The following ANKRD17 variants were observed in gnomAD, a reference collection of about 807,000 sequenced individuals.
ANKRD17 encodes the protein ankyrin repeat domain 17, also known as ankyrin repeat domain-containing protein 17.
A neutral mutation model predicts 229.7 loss-of-function variants in ANKRD17; 19 were observed. The observed-to-expected ratio is 0.08, with a 90% CI of 0.06 to 0.12. ANKRD17 has a LOEUF of 0.12. Ranked by LOEUF, ANKRD17 falls within the 10% of genes least tolerant of loss-of-function variation. ANKRD17 has a pLI of 1.00. For synonymous variants in ANKRD17, 1,112 were observed against 1,146.1 expected (o/e 0.97, Z 0.60); for missense variants, 2,176 against 3,176.8 (o/e 0.68, Z 7.57).
chr4:73,101,087 A>G, intron 25 of ANKRD17: 1 of 851,294 alleles, frequency 1.2e-6, no homozygotes, highest in South Asian at 5.4e-5. Context: ...GAGAATGTGC[A>G]TAATTTTTAT....
intron 18 of ANKRD17, among the ~76,000 whole-genome samples, chr4:73,124,002 T>C (rs1290611438): frequency 6.6e-6 from 1 of 151,274 alleles, no homozygotes; most frequent in African/African-American, 2.4e-5. Flanking sequence ...AAAGAATAGG[T>C]GACTTCAGGA....
At chr4:73,221,639 T>C (rs1741867251) in intron 1 of ANKRD17, among the ~76,000 whole-genome samples, 1 of 152,208 alleles carries the variant, frequency 6.6e-6, no homozygotes, top group Admixed American at 6.5e-5. Context: ...ACTCCTTTGA[T>C]GAAAGTTTAT....
chr4:73,082,041 T>C (rs1721621562), intron 30 of ANKRD17, among the ~76,000 whole-genome samples: 1 of 151,968 alleles, frequency 6.6e-6, no homozygotes, highest in Non-Finnish European at 1.5e-5. Flanking sequence ...TCCCAGCTAC[T>C]TGAGAAGCTG....
chr4:73,116,563 T>G (rs1383590010), intron 22 of ANKRD17, among the ~76,000 whole-genome samples: 1 of 152,148 alleles, frequency 6.6e-6, no homozygotes, highest in Non-Finnish European at 1.5e-5. Context: ...TGTTAATCTT[T>G]AGTATATTTT....
At chr4:73,233,749 A>T (rs1307032742) in intron 1 of ANKRD17, among the ~76,000 whole-genome samples, 1 of 152,170 alleles carries the variant, frequency 6.6e-6, no homozygotes, top group Admixed American at 6.5e-5. Context: ...CACATGATAA[A>T]ATAGAGGGGC....
chr4:73,185,125 A>G (rs1054365973), intron 1 of ANKRD17, among the ~76,000 whole-genome samples: 1 of 152,058 alleles, frequency 6.6e-6, no homozygotes, highest in African/African-American at 2.4e-5. Flanking sequence ...CGCAAAATTT[A>G]GACTTCTTTA....
At chr4:73,240,562 C>T (rs914747429) in intron 1 of ANKRD17, among the ~76,000 whole-genome samples, 3 of 151,844 alleles carry the variant, frequency 2.0e-5, no homozygotes, top group African/African-American at 7.3e-5. Context: ...GATTTCGAGG[C>T]GGCAGTGAGC....
chr4:73,197,904 AT>A (rs1270134275), intron 1 of ANKRD17, among the ~76,000 whole-genome samples: 9 of 152,170 alleles, frequency 5.9e-5, no homozygotes, highest in African/African-American at 2.2e-4. Flanking sequence ...TATTAAATAT[AT>A]GTTTTTGGCT....
intron 29 of ANKRD17, among the ~76,000 whole-genome samples, chr4:73,085,902 G>T (rs915925738): frequency 6.6e-6 from 1 of 151,946 alleles, no homozygotes; most frequent in Non-Finnish European, 1.5e-5. Context: ...GAGGTGGGAG[G>T]ATTGCTTGAG....
chr4:73,239,103 C>A (rs1343649420), intron 1 of ANKRD17, among the ~76,000 whole-genome samples: 2 of 152,118 alleles, frequency 1.3e-5, no homozygotes, highest in South Asian at 4.1e-4. Flanking sequence ...GATATATGAT[C>A]TGGCCCTTTT....
At chr4:73,155,968 A>C in intron 4 of ANKRD17, 51 bp downstream of exon 4, 1 of 1,530,502 alleles carries the variant, frequency 6.5e-7, no homozygotes, top group Non-Finnish European at 8.7e-7. Context: ...CTTAGTAAGC[A>C]AGCCAGTTTT....
chr4:73,098,727 T>TA, intron 25 of ANKRD17: 19 of 927,144 alleles, frequency 2.0e-5, no homozygotes, highest in Non-Finnish European at 3.1e-5. Context: ...CAGGTAGTTA[T>TA]AAAAAATATT....
chr4:73,145,116 C>T (rs1730088449), intron 10 of ANKRD17, among the ~76,000 whole-genome samples: 2 of 152,024 alleles, frequency 1.3e-5, no homozygotes, highest in Non-Finnish European at 2.9e-5. Flanking sequence ...CTCATCTAAA[C>T]GCATCTGAGT....
intron 1 of ANKRD17, among the ~76,000 whole-genome samples, chr4:73,232,571 T>C (rs1322204222): frequency 1.3e-5 from 2 of 152,194 alleles, no homozygotes; most frequent in Non-Finnish European, 2.9e-5. Context: ...CACATTTGTA[T>C]TCTACACAAC....
In ANKRD17 at chr4:73,091,128, G is replaced by C. The variant is rs758771705; in HGVS notation, c.6500C>G (p.Pro2167Arg). The change falls in exon 29 of 34, where the codon CCC (proline) becomes CGC (arginine). Residue 2167 changes from proline to arginine, a missense_variant. Physicochemically the swap from Pro to Arg is moderately radical, Grantham distance 103 (BLOSUM62 -2). This residue lies in a region of ANKRD17 where 424 missense variants were observed against 454.0 expected (regional missense o/e 0.93). Transcript: ENST00000358602. ...YPMPQTPMGC[P>R]QPTPKMETPA... ...GGTTTCCATTTTAGGAGTAGGCTGG[G>C]GGCATCCCATTGGTGTCTGAGGCAT... 6.2e-7 allele frequency: 1 copy of C among 1,614,106 alleles called. No individual in the cohort carries two copies. Among genetic ancestry groups the C allele is most frequent in the Non-Finnish European group, 8.5e-7 (1 of 1,180,024 alleles).
At chr4:73,245,975 G>A (rs375913635) in intron 1 of ANKRD17, among the ~76,000 whole-genome samples, 2 of 152,048 alleles carry the variant, frequency 1.3e-5, no homozygotes, top group Non-Finnish European at 2.9e-5. Context: ...TAACCCTACC[G>A]GCCCTGCATC....
At chr4:73,241,268 TC>T (rs1285653645) in intron 1 of ANKRD17, among the ~76,000 whole-genome samples, 1 of 152,108 alleles carries the variant, frequency 6.6e-6, no homozygotes, top group Non-Finnish European at 1.5e-5. Context: ...AAGATTAAGT[TC>T]CTATTCCCCT....
At chr4:73,137,940 T>C (rs987794536) in intron 15 of ANKRD17, among the ~76,000 whole-genome samples, 5 of 152,194 alleles carry the variant, frequency 3.3e-5, no homozygotes, top group South Asian at 2.1e-4. Flanking sequence ...CAACTATGCA[T>C]GCCCAAGCAC....
intron 1 of ANKRD17, among the ~76,000 whole-genome samples, chr4:73,215,341 C>A (rs1034660546): frequency 2.6e-5 from 4 of 151,890 alleles, no homozygotes; most frequent in Non-Finnish European, 5.9e-5. Flanking sequence ...CTCACTGCAA[C>A]CTCCGCCTCG....
Sources: allele counts gnomAD v4.1 joint callset (sites outside exome capture counted in the v4.1 genomes callset), GRCh38; gene constraint gnomAD v4.1.1; regional missense constraint gnomAD v4.1.1; transcripts MANE v1.5; gene names NCBI Gene and HGNC (gene_info 2026-07-23, HGNC 2026-07-21).